Variants in MGST1 observed in about 807,000 individuals in gnomAD.
MGST1 encodes the protein microsomal glutathione S-transferase 1, also known as glutathione S-transferase 12.
In MGST1, 5 loss-of-function variants were observed where a neutral mutation model predicts 8.9. The ratio of observed to expected loss-of-function variants is 0.56; its 90% confidence interval spans 0.29 to 1.19. The LOEUF (loss-of-function observed/expected upper bound fraction) is 1.19, where lower values mean the gene tolerates loss of function less well. MGST1 is among the 50% of genes most tolerant of loss of function. The probability of loss-of-function intolerance (pLI) is 0.08; values close to 1 mark genes in which losing one functional copy is unlikely to be tolerated. For synonymous variants in MGST1, 54 were observed against 67.8 expected (o/e 0.80, Z 1.00); for missense variants, 182 against 187.4 (o/e 0.97, Z 0.17).
At chr12:16,409,039 T>G (rs940819890) in intron 1 of MGST1, among the ~76,000 whole-genome samples, 10 of 152,172 alleles carry the variant, frequency 6.6e-5, no homozygotes, top group African/African-American at 2.4e-4. Context: ...TTGTCTCTTA[T>G]TTTTTAAACC....
intron 4 of MGST1, among the ~76,000 whole-genome samples, chr12:16,476,044 G>A (rs962658244): frequency 1.3e-5 from 2 of 151,992 alleles, no homozygotes; most frequent in Non-Finnish European, 2.9e-5. Context: ...ACCACCACAA[G>A]CCCCTACTCT....
At chr12:16,580,095 T>C (rs373317733) in intron 4 of MGST1, among the ~76,000 whole-genome samples, 1 of 152,198 alleles carries the variant, frequency 6.6e-6, no homozygotes, top group African/African-American at 2.4e-5. Context: ...TATGATATCA[T>C]TTATCATGTA....
chr12:16,453,192 G>C (rs1045451101), intron 4 of MGST1, among the ~76,000 whole-genome samples: 2 of 151,898 alleles, frequency 1.3e-5, no homozygotes, highest in African/African-American at 4.8e-5. Context: ...AACCCATTTA[G>C]GGAGTTGTTA....
intron 4 of MGST1, among the ~76,000 whole-genome samples, chr12:16,457,840 T>C (rs1289995860): frequency 6.6e-6 from 1 of 152,002 alleles, no homozygotes; most frequent in Non-Finnish European, 1.5e-5. Flanking sequence ...AAAACAGCTA[T>C]TATGATTGAA....
At chr12:16,525,871 G>C (rs2137195008) in intron 4 of MGST1, among the ~76,000 whole-genome samples, 1 of 150,516 alleles carries the variant, frequency 6.6e-6, no homozygotes, top group South Asian at 2.1e-4. Context: ...TTGTGGTTTT[G>C]ATTTGCATTT....
intron 4 of MGST1, among the ~76,000 whole-genome samples, chr12:16,583,044 C>G (rs1371809975): frequency 2.8e-5 from 1 of 35,238 alleles, no homozygotes; most frequent in Non-Finnish European, 5.7e-5. Context: ...GAGACTCCGC[C>G]TCAAAAAAAA....
At chr12:16,538,944 C>T (rs929638510) in intron 4 of MGST1, among the ~76,000 whole-genome samples, 7 of 152,070 alleles carry the variant, frequency 4.6e-5, no homozygotes, top group East Asian at 3.9e-4. Flanking sequence ...CAAGAGAAAA[C>T]GAGGATGATA....
At position 16,537,409 on chromosome 12, in the gene MGST1, G is replaced by T. The variant is rs1941762503; in HGVS notation, n.483-52119G>T. Among the ~76,000 whole-genome samples, 1 of 152,246 alleles carries T rather than the reference G, an allele frequency of 6.6e-6. No homozygotes were observed. The highest frequency in any genetic ancestry group is 2.1e-4 in the South Asian group (1 of 4,820). ...TCCAGTAGCATGGTGCAAGCTGTGG[G>T]ATCTACCATTCTGGGATCTGGAGCA... On this transcript the variant is annotated intron_variant and non_coding_transcript_variant, in intron 4 of 4. Coordinates refer to the MGST1 transcript ENST00000538857. The surrounding 1 kb of genome is among the most constrained non-coding windows in gnomAD (Gnocchi z 4.6).
chr12:16,532,641 G>C (rs1941729765), intron 4 of MGST1, among the ~76,000 whole-genome samples: 1 of 152,082 alleles, frequency 6.6e-6, no homozygotes, highest in African/African-American at 2.4e-5. Flanking sequence ...GAGTGTTCAG[G>C]GGTACACAAA....
intron 1 of MGST1, among the ~76,000 whole-genome samples, chr12:16,394,685 C>T (rs1256719814): frequency 6.6e-6 from 1 of 151,906 alleles, no homozygotes; most frequent in African/African-American, 2.4e-5. Flanking sequence ...GCAACCTCCA[C>T]CTCCTGGGTT....
chr12:16,412,230 T>C (rs7955298), intron 1 of MGST1, among the ~76,000 whole-genome samples: 59,870 of 152,026 alleles, frequency 0.39, 11,906 homozygotes, highest in East Asian at 0.53. Flanking sequence ...ATGAGTACAA[T>C]CTGAATCATA....
Position 16,513,527 on chromosome 12 carries a change from G to A in MGST1, n.483-76001G>A, listed in dbSNP as rs567408760. ...ATGGGACCACCAGATCCCATCCTTG[G>A]AGTCACCGAAGGCTTTAAGAGGGAC... On this transcript the variant is annotated intron_variant and non_coding_transcript_variant, in intron 4 of 4. Transcript: ENST00000538857. This position sits in a 1 kb window ranked among gnomAD's most constrained non-coding sequence, Gnocchi z 4.2. 8.3e-6 allele frequency: 4 copies of A among 484,014 alleles called. No homozygotes were observed. The East Asian group carries it at 2.4e-4, about 29-fold the overall frequency. 30.0% of individuals were successfully genotyped at this position (484,014 alleles called of 1,614,324 possible).
chr12:16,483,584 A>G (rs1024753285), intron 4 of MGST1, among the ~76,000 whole-genome samples: 1 of 151,872 alleles, frequency 6.6e-6, no homozygotes, highest in Admixed American at 6.5e-5. Flanking sequence ...AAGGCAAAAT[A>G]TATTATTAGA....
At chr12:16,431,889 A>G (rs1472062246) in intron 1 of MGST1, among the ~76,000 whole-genome samples, 1 of 152,204 alleles carries the variant, frequency 6.6e-6, no homozygotes. Flanking sequence ...GAAGTGCAAT[A>G]AAACAGGTAT....
At chr12:16,360,003 TAGAA>T (rs1296828762) in intron 3 of MGST1, among the ~76,000 whole-genome samples, 4 of 152,292 alleles carry the variant, frequency 2.6e-5, no homozygotes, top group South Asian at 2.1e-4. Context: ...AAATGAATGT[TAGAA>T]AGAACAATTG....
chr12:16,386,965 T>C (rs78388573), intron 1 of MGST1, among the ~76,000 whole-genome samples: 7,141 of 152,248 alleles, frequency 0.047, 568 homozygotes, highest in African/African-American at 0.16. Flanking sequence ...TGTAGTGGCA[T>C]TGCAGTGTTT....
chr12:16,520,548 A>G (rs566354134), intron 4 of MGST1, among the ~76,000 whole-genome samples: 1 of 152,180 alleles, frequency 6.6e-6, no homozygotes, highest in African/African-American at 2.4e-5. Flanking sequence ...TTCCAGAGTA[A>G]GAATGGGGAA....
Position 16,401,995 on chromosome 12 carries a change from G to A in MGST1, n.778+18391G>A. ...TTCCAGCTCTTCATGAACTCTCCAGGGAATTTGTCTTTGCTGAACACTCCA... is the reference window on the plus strand; with the variant it reads ...TTCCAGCTCTTCATGAACTCTCCAGAGAATTTGTCTTTGCTGAACACTCCA... On this transcript the variant is annotated intron_variant and non_coding_transcript_variant, in intron 1 of 1. Transcript: ENST00000359720. The surrounding 1 kb of genome is among the most constrained non-coding windows in gnomAD (Gnocchi z 4.3). 1 of 1,611,876 alleles carries A rather than the reference G, an allele frequency of 6.2e-7. No homozygotes were observed. The highest frequency in any genetic ancestry group is 1.7e-5 in the Admixed American group (1 of 60,002).
intron 4 of MGST1, among the ~76,000 whole-genome samples, chr12:16,468,980 G>T (rs888328946): frequency 2.0e-5 from 3 of 152,170 alleles, no homozygotes; most frequent in Non-Finnish European, 4.4e-5. Context: ...ACTCCTAGGG[G>T]ATGGTAGACA....
Sources: allele counts gnomAD v4.1 joint callset (sites outside exome capture counted in the v4.1 genomes callset), GRCh38; gene constraint gnomAD v4.1.1; non-coding constraint Gnocchi (gnomAD v3.1); transcripts MANE v1.5; gene names NCBI Gene and HGNC (gene_info 2026-07-23, HGNC 2026-07-21).